Variants in NPAS3 observed in about 807,000 individuals in gnomAD.
NPAS3 encodes the protein neuronal PAS domain-containing protein 3.
In NPAS3, 14 loss-of-function variants were observed where a neutral mutation model predicts 73.1. The observed-to-expected ratio is 0.19, with a 90% CI of 0.13 to 0.30. The LOEUF is 0.30. Ranked by LOEUF, NPAS3 falls within the 10% of genes least tolerant of loss-of-function variation. The pLI, the probability that NPAS3 is intolerant of heterozygous loss-of-function variation, is 1.00. For synonymous variants in NPAS3, 620 were observed against 541.5 expected (o/e 1.14, Z -2.01); for missense variants, 1,096 against 1,250.0 (o/e 0.88, Z 1.86).
chr14:33,683,854 A>T (rs542088671), intron 6 of NPAS3, among the ~76,000 whole-genome samples: 1 of 152,238 alleles, frequency 6.6e-6, no homozygotes, highest in African/African-American at 2.4e-5. Flanking sequence ...TACCCAGGCC[A>T]CTGTGATAAT....
chr14:33,102,122 T>A (rs2042594865), intron 2 of NPAS3, among the ~76,000 whole-genome samples: 1 of 152,108 alleles, frequency 6.6e-6, no homozygotes, highest in Admixed American at 6.6e-5. Context: ...TTTTCCCTTC[T>A]CCAGTCTTGC....
intron 1 of NPAS3, among the ~76,000 whole-genome samples, chr14:33,004,482 C>T (rs2038919511): frequency 6.6e-6 from 1 of 152,144 alleles, no homozygotes; most frequent in Non-Finnish European, 1.5e-5. Flanking sequence ...AGGGCACTTA[C>T]TGTGAATGGA....
At chr14:33,348,401 C>G (rs1036961586) in intron 3 of NPAS3, among the ~76,000 whole-genome samples, 1 of 152,020 alleles carries the variant, frequency 6.6e-6, no homozygotes, top group African/African-American at 2.4e-5. Flanking sequence ...TCTTTAAACC[C>G]TATGTAGATA....
intron 4 of NPAS3, among the ~76,000 whole-genome samples, chr14:33,533,513 T>C (rs10134389): frequency 0.42 from 64,547 of 151,952 alleles, 15,625 homozygotes; most frequent in African/African-American, 0.68. Flanking sequence ...CTGTTTGCTA[T>C]TGATGAGAAT....
chr14:33,536,644 A>G (rs562070888), intron 4 of NPAS3, among the ~76,000 whole-genome samples: 147 of 151,520 alleles, frequency 9.7e-4, no homozygotes, highest in African/African-American at 3.6e-3. Flanking sequence ...GATGTTGCCC[A>G]TTTGAGAACT....
chr14:33,695,333 C>T (rs565392560), intron 6 of NPAS3, among the ~76,000 whole-genome samples: 29 of 152,304 alleles, frequency 1.9e-4, no homozygotes, highest in Non-Finnish European at 2.9e-5. Flanking sequence ...CTAGTTGTAG[C>T]ATTGTTGTAT....
At chr14:33,473,254 C>T (rs1462930015) in intron 4 of NPAS3, among the ~76,000 whole-genome samples, 3 of 152,144 alleles carry the variant, frequency 2.0e-5, no homozygotes, top group Non-Finnish European at 4.4e-5. Context: ...GCATTTAAAA[C>T]ATATAAATGC....
chr14:33,588,331 C>T (rs1202422749), intron 5 of NPAS3, among the ~76,000 whole-genome samples: 1 of 152,174 alleles, frequency 6.6e-6, no homozygotes, highest in Non-Finnish European at 1.5e-5. Flanking sequence ...AGATGCAGGG[C>T]AGATCCAAAT....
chr14:33,591,002 T>C (rs183967147), intron 5 of NPAS3, among the ~76,000 whole-genome samples: 159 of 152,238 alleles, frequency 1.0e-3, no homozygotes, highest in Non-Finnish European at 1.9e-3. Context: ...AAGGAAAAAC[T>C]TGGGCAGAAC....
At chr14:33,506,720 A>G (rs1024271105) in intron 4 of NPAS3, among the ~76,000 whole-genome samples, 6 of 152,204 alleles carry the variant, frequency 3.9e-5, no homozygotes, top group African/African-American at 1.4e-4. Context: ...CATAAGCATT[A>G]AATATTTATT....
intron 3 of NPAS3, among the ~76,000 whole-genome samples, chr14:33,316,144 A>T (rs74726763): frequency 6.6e-6 from 1 of 152,118 alleles, no homozygotes; most frequent in Non-Finnish European, 1.5e-5. Context: ...TATCTCAGAG[A>T]AAATGGAGCT....
rs373827123 is a variant in NPAS3, at chr14:33,427,263, A to C, written c.468+59995A>C. Among the ~76,000 whole-genome samples the C allele has an allele frequency of 3.3e-5, 5 of 151,760 alleles. No homozygotes were observed. The East Asian group carries it at 9.7e-4, about 30-fold the overall frequency. On this transcript the variant is annotated intron_variant, in intron 4 of 11. Coordinates refer to ENST00000356141, the Ensembl canonical transcript of NPAS3. ...TATGCATGCAAAGTAGCCACTGTAC[A>C]TCTCAGCTGTGGCCCATACTGAACC...
intron 3 of NPAS3, among the ~76,000 whole-genome samples, chr14:33,243,362 C>G (rs946549277): frequency 8.0e-5 from 12 of 149,390 alleles, no homozygotes. Context: ...TATATCAAGA[C>G]TTTTTTTTTT....
In NPAS3 at chr14:33,776,874, C is replaced by G. The variant is rs186118805; in HGVS notation, c.1047-1592C>G. On this transcript the variant is annotated intron_variant, in intron 8 of 11. Coordinates refer to ENST00000356141, the Ensembl canonical transcript of NPAS3. ...TATGTGTTAAGAGACCCTCAAATGCCGGGCTAGTCGCATTCACCACAGTAA... is the reference window on the plus strand; with the variant it reads ...TATGTGTTAAGAGACCCTCAAATGCGGGGCTAGTCGCATTCACCACAGTAA... 9.1e-4 allele frequency among the ~76,000 whole-genome samples: 139 copies of G among 152,204 alleles called. 1 individual carries two copies. The highest frequency in any genetic ancestry group is 3.1e-3 in the African/African-American group (129 of 41,524).
At chr14:33,338,387 G>A (rs190265405) in intron 3 of NPAS3, among the ~76,000 whole-genome samples, 242 of 152,268 alleles carry the variant, frequency 1.6e-3, no homozygotes, top group African/African-American at 5.4e-3. Flanking sequence ...AATCCATAGA[G>A]ATCGTTGTTG....
At chr14:33,323,153 A>G (rs546570325) in intron 3 of NPAS3, among the ~76,000 whole-genome samples, 5 of 152,314 alleles carry the variant, frequency 3.3e-5, no homozygotes, top group South Asian at 2.1e-4. Context: ...ACAGCACATC[A>G]GGGTCGCCAA....
chr14:33,153,231 T>C (rs2044522914), intron 2 of NPAS3, among the ~76,000 whole-genome samples: 1 of 152,098 alleles, frequency 6.6e-6, no homozygotes, highest in Admixed American at 6.5e-5. Context: ...TTTTTTCATC[T>C]GAGTCGTATC....
intron 4 of NPAS3, among the ~76,000 whole-genome samples, chr14:33,402,664 C>T (rs575104938): frequency 6.6e-6 from 1 of 152,244 alleles, no homozygotes; most frequent in East Asian, 1.9e-4. Flanking sequence ...ACTCCACCAC[C>T]CTCAGGAGGG....
intron 5 of NPAS3, among the ~76,000 whole-genome samples, chr14:33,623,443 A>G (rs1248039508): frequency 6.6e-6 from 1 of 152,194 alleles, no homozygotes; most frequent in Non-Finnish European, 1.5e-5. Flanking sequence ...CAGCTTCACA[A>G]TACATCCAGA....
Sources: allele counts gnomAD v4.1 joint callset (sites outside exome capture counted in the v4.1 genomes callset), GRCh38; gene constraint gnomAD v4.1.1; transcripts MANE v1.5; gene names NCBI Gene and HGNC (gene_info 2026-07-23, HGNC 2026-07-21).